Variants in TET3 observed in about 807,000 individuals in gnomAD.
TET3 encodes the protein methylcytosine dioxygenase TET3.
A neutral mutation model predicts 141.4 loss-of-function variants in TET3; 19 were observed. That is an observed-to-expected ratio of 0.13 (90% CI 0.09 to 0.20). TET3 has a LOEUF of 0.20. TET3 is among the 10% of genes least tolerant of loss of function. TET3 has a pLI of 1.00. For missense variants in TET3, 1,874 were observed against 2,356.9 expected, an observed-to-expected ratio of 0.80 and a Z score of 4.24; for synonymous variants, 1,043 against 980.9, an observed-to-expected ratio of 1.06 and a Z score of -1.18.
chr2:74,022,576 T>C (rs1573714029), intron 3 of TET3, among the ~76,000 whole-genome samples: 1 of 152,078 alleles, frequency 6.6e-6, no homozygotes, highest in African/African-American at 2.4e-5. Context: ...TTTATTATTT[T>C]TTTTTCTTTT....
intron 8 of TET3, 88 bp downstream of exon 8, chr2:74,090,135 A>G (rs1690396068): frequency 1.9e-6 from 3 of 1,540,718 alleles, no homozygotes; most frequent in South Asian, 1.2e-5. Flanking sequence ...CTGGCACGCC[A>G]TGACTCAGAT....
chr2:74,056,260 G>C (rs1335106913), intron 4 of TET3, among the ~76,000 whole-genome samples: 1 of 152,152 alleles, frequency 6.6e-6, no homozygotes, highest in African/African-American at 2.4e-5. Context: ...AAGGTGGAAG[G>C]TTCTTTTAGA....
intron 8 of TET3, among the ~76,000 whole-genome samples, chr2:74,090,684 C>A (rs749002047): frequency 6.6e-6 from 1 of 152,212 alleles, no homozygotes; most frequent in Non-Finnish European, 1.5e-5. Context: ...CAGGGGAAGG[C>A]GCCCTCAGGC....
the TET3 span, among the ~76,000 whole-genome samples, chr2:74,132,188 A>G: frequency 1.3e-5 from 2 of 152,152 alleles, no homozygotes; most frequent in Non-Finnish European, 1.5e-5. Context: ...TTCAAGCCAG[A>G]GTCCAGCTAG....
At chr2:74,118,331 T>C in the TET3 span, among the ~76,000 whole-genome samples, 1 of 152,236 alleles carries the variant, frequency 6.6e-6, no homozygotes, top group African/African-American at 2.4e-5. Flanking sequence ...AATTGCTTGA[T>C]ATGTACCATG....
At chr2:74,129,905 C>G in the TET3 span, among the ~76,000 whole-genome samples, 1 of 151,972 alleles carries the variant, frequency 6.6e-6, no homozygotes, top group South Asian at 2.1e-4. Flanking sequence ...ACCAGCCTGG[C>G]CAACATGGTG....
intron 3 of TET3, among the ~76,000 whole-genome samples, chr2:74,036,501 A>T (rs1023149081): frequency 1.3e-5 from 2 of 152,064 alleles, no homozygotes; most frequent in African/African-American, 4.8e-5. Flanking sequence ...TAGCTTTTTT[A>T]TGTCTTCTGT....
intron 4 of TET3, among the ~76,000 whole-genome samples, chr2:74,064,967 G>A (rs913592188): frequency 2.0e-5 from 3 of 152,164 alleles, no homozygotes; most frequent in African/African-American, 7.2e-5. Flanking sequence ...GGGAGTTAGT[G>A]CCCCAACCTC....
chr2:74,120,635 G>A, the TET3 span: 1 of 152,446 alleles, frequency 6.6e-6, no homozygotes, highest in East Asian at 1.9e-4. Context: ...GAGCTCAGGA[G>A]GCAAGGGCGT....
downstream of TET3, chr2:74,108,260 C>T (rs565365118): frequency 1.9e-5 from 3 of 153,884 alleles, no homozygotes; most frequent in South Asian, 4.1e-4. Context: ...ACCCACCCAC[C>T]GTATGTTGTA....
chr2:74,049,842 T>C lies in TET3; in HGVS notation c.2494+1431T>C, dbSNP rs572960380. Among the ~76,000 whole-genome samples the C allele has an allele frequency of 1.1e-4, 16 of 152,154 alleles. No individual in the cohort carries two copies. The South Asian group carries it at 3.3e-3, about 32-fold the overall frequency. On this transcript the variant is annotated intron_variant, in intron 4 of 11. Transcript: ENST00000409262. ...GAAAATCTGGCCCCAGGGCTCTTAC[T>C]TGGGGGTGAACAGATATGCTGCCAG...
At chr2:74,121,995 C>G in the TET3 span, 1 of 152,150 alleles carries the variant, frequency 6.6e-6, no homozygotes, top group Non-Finnish European at 1.5e-5. Context: ...GAGACTCCAT[C>G]TCAAAGAAAA....
At chr2:73,991,664 G>C (rs1684330075) in intron 2 of TET3, among the ~76,000 whole-genome samples, 1 of 151,934 alleles carries the variant, frequency 6.6e-6, no homozygotes. Context: ...ATTGATCCAG[G>C]GTGGACCAAA....
the TET3 span, among the ~76,000 whole-genome samples, chr2:74,118,141 C>A: frequency 6.6e-6 from 1 of 152,242 alleles, no homozygotes; most frequent in Non-Finnish European, 1.5e-5. Flanking sequence ...ATACTATCAC[C>A]AGTAAATTGC....
intron 6 of TET3, among the ~76,000 whole-genome samples, chr2:74,085,026 G>A (rs1690042927): frequency 6.6e-6 from 1 of 151,976 alleles, no homozygotes; most frequent in Non-Finnish European, 1.5e-5. Context: ...TGTTGTGCAA[G>A]ATGAAAAAAT....
At chr2:74,063,182 C>G (rs1431020936) in intron 4 of TET3, among the ~76,000 whole-genome samples, 2 of 133,218 alleles carry the variant, frequency 1.5e-5, no homozygotes, top group African/African-American at 7.2e-5. Flanking sequence ...CCATGCCTGG[C>G]CTGAAACTTT....
chr2:74,101,053 T>C lies in TET3; in HGVS notation c.4265T>C (p.Leu1422Pro), dbSNP rs774296968. 2 of 1,612,716 alleles carry C rather than the reference T, an allele frequency of 1.2e-6. No homozygotes were observed. Among genetic ancestry groups the C allele is most frequent in the East Asian group, 2.2e-5 (1 of 44,858 alleles). The change falls in exon 12 of 12, where the codon CTG becomes CCG. Residue 1422 changes from leucine to proline, a missense_variant. Transcript: ENST00000409262. The surrounding 1 kb of genome is among the most constrained non-coding windows in gnomAD (Gnocchi z 8.5). The part of the protein sequence containing the change: ...RDAGKMGKTP[L>P]SEVSQNGGPS... ...GCTGGCAAGATGGGCAAGACACCTC[T>C]GTCCGAGGTGTCTCAGAATGGAGGA...
intron 6 of TET3, among the ~76,000 whole-genome samples, chr2:74,081,899 T>C (rs1689851202): frequency 6.6e-6 from 1 of 152,232 alleles, no homozygotes. Flanking sequence ...TCACTTAGTG[T>C]ATTCATAAGT....
At chr2:74,052,801 C>T (rs1292887530) in intron 4 of TET3, among the ~76,000 whole-genome samples, 1 of 152,080 alleles carries the variant, frequency 6.6e-6, no homozygotes, top group East Asian at 1.9e-4. Context: ...ACCTGGGAGG[C>T]CGAGGTTGCA....
Sources: allele counts gnomAD v4.1 joint callset (sites outside exome capture counted in the v4.1 genomes callset), GRCh38; gene constraint gnomAD v4.1.1; non-coding constraint Gnocchi (gnomAD v3.1); transcripts MANE v1.5; gene names NCBI Gene and HGNC (gene_info 2026-07-23, HGNC 2026-07-21).